The following ATXN2 variants were observed in gnomAD, a reference collection of about 807,000 sequenced individuals.
The protein encoded by ATXN2 is ataxin-2.
ATXN2 carries 37 observed loss-of-function variants against 138.6 expected under a neutral mutation model. The ratio of observed to expected loss-of-function variants is 0.27; its 90% CI spans 0.21 to 0.35. ATXN2 has a LOEUF of 0.35. Among genes scored for constraint, ATXN2 ranks in the 10% least tolerant of loss-of-function variants. The probability of loss-of-function intolerance (pLI) is 1.00; values close to 1 mark genes in which losing one functional copy is unlikely to be tolerated. For synonymous variants in ATXN2, 549 were observed against 543.7 expected, an observed-to-expected ratio of 1.01 and a Z score of -0.13; for missense variants, 1,216 against 1,480.3, an observed-to-expected ratio of 0.82 and a Z score of 2.93.
chr12:111,497,097 A>G (rs1224342687), intron 14 of ATXN2, among the ~76,000 whole-genome samples: 1 of 152,174 alleles, frequency 6.6e-6, no homozygotes. Context: ...ATGCTGATAC[A>G]TTGGAAAACC....
chr12:111,456,361 T>G, intron 22 of ATXN2, 105 bp from the exon 23 acceptor site: 5 of 1,151,758 alleles, frequency 4.3e-6, no homozygotes, highest in Non-Finnish European at 5.1e-6. Context: ...ATGATGAGGG[T>G]CACTGGAAAG....
intron 5 of ATXN2, among the ~76,000 whole-genome samples, chr12:111,532,171 C>G (rs1291618546): frequency 6.6e-6 from 1 of 151,090 alleles, no homozygotes; most frequent in Non-Finnish European, 1.5e-5. Flanking sequence ...GATACCATAT[C>G]AAGATTCTGT....
chr12:111,520,126 T>G (rs773221335), intron 7 of ATXN2, 50 bp from the exon 8 acceptor site: 13 of 1,583,758 alleles, frequency 8.2e-6, no homozygotes, highest in South Asian at 1.1e-5. Flanking sequence ...AAGCCACAGT[T>G]TATGTATCTG....
At chr12:111,566,958 C>CG (rs905507761) in intron 1 of ATXN2, among the ~76,000 whole-genome samples, 1 of 152,140 alleles carries the variant, frequency 6.6e-6, no homozygotes, top group African/African-American at 2.4e-5. Context: ...TTCTAATACT[C>CG]ATGAATGATT....
At chr12:111,540,638 T>C (rs970535272) in intron 5 of ATXN2, among the ~76,000 whole-genome samples, 3 of 150,182 alleles carry the variant, frequency 2.0e-5, no homozygotes, top group African/African-American at 7.3e-5. Flanking sequence ...ATTTTTCTAC[T>C]TTTCCCAGTT....
chr12:111,475,878 T>A (rs778997799), intron 18 of ATXN2, among the ~76,000 whole-genome samples: 1 of 152,188 alleles, frequency 6.6e-6, no homozygotes, highest in Non-Finnish European at 1.5e-5. Context: ...ACTTGTTATA[T>A]GATAAAATGG....
At chr12:111,576,401 C>T (rs917223860) in intron 1 of ATXN2, among the ~76,000 whole-genome samples, 5 of 152,020 alleles carry the variant, frequency 3.3e-5, no homozygotes, top group African/African-American at 9.7e-5. Flanking sequence ...CGCCACTGCA[C>T]GCCACTGTAC....
intron 14 of ATXN2, among the ~76,000 whole-genome samples, chr12:111,493,926 T>C (rs1878224694): frequency 6.7e-6 from 1 of 150,094 alleles, no homozygotes; most frequent in Non-Finnish European, 1.5e-5. Context: ...AGGCCAGGGT[T>C]TTGTTTTGTT....
At chr12:111,463,463 G>C (rs1875747699) in intron 21 of ATXN2, among the ~76,000 whole-genome samples, 1 of 152,018 alleles carries the variant, frequency 6.6e-6, no homozygotes, top group Admixed American at 6.6e-5. Flanking sequence ...CTTTGGTAGA[G>C]ATAGGGTTTC....
chr12:111,506,173 T>G (rs1166566470), intron 14 of ATXN2, among the ~76,000 whole-genome samples: 1 of 152,130 alleles, frequency 6.6e-6, no homozygotes, highest in Non-Finnish European at 1.5e-5. Flanking sequence ...GAAAGTAGAT[T>G]AACGGTTGCT....
chr12:111,483,545 C>T (rs546832214), intron 18 of ATXN2, among the ~76,000 whole-genome samples: 3 of 145,114 alleles, frequency 2.1e-5, no homozygotes, highest in South Asian at 2.2e-4. Flanking sequence ...TTAGTAGAGA[C>T]GGGTTTTCAC....
chr12:111,589,906 T>C (rs1395446845), intron 1 of ATXN2, among the ~76,000 whole-genome samples: 2 of 151,466 alleles, frequency 1.3e-5, no homozygotes, highest in African/African-American at 4.8e-5. Context: ...GTGACAGAGC[T>C]AGAACCTGTC....
At chr12:111,485,445 C>A in intron 17 of ATXN2, 114 bp from the exon 18 acceptor site, 2 of 1,086,466 alleles carry the variant, frequency 1.8e-6, no homozygotes, top group Non-Finnish European at 1.3e-6. Flanking sequence ...TTTCCTGATT[C>A]TCCATTAGTC....
intron 5 of ATXN2, among the ~76,000 whole-genome samples, chr12:111,551,812 GCATTAA>G (rs1486731773): frequency 6.6e-6 from 1 of 151,876 alleles, no homozygotes; most frequent in Non-Finnish European, 1.5e-5. Flanking sequence ...CAACAAAAAT[GCATTAA>G]CATTCTCATT....
intron 14 of ATXN2, among the ~76,000 whole-genome samples, chr12:111,502,182 G>C (rs774797626): frequency 1.3e-5 from 2 of 152,028 alleles, no homozygotes; most frequent in Non-Finnish European, 1.5e-5. Flanking sequence ...ATGAGCCACT[G>C]TACCTGTCCA....
At position 111,598,535 on chromosome 12, in the gene ATXN2, C is replaced by G; in HGVS notation, c.251+249G>C. On this transcript the variant is annotated intron_variant, in intron 1 of 24. Coordinates refer to ENST00000673436, the MANE Select transcript of ATXN2 (RefSeq NM_001372574.1). The surrounding 1 kb of genome is among the most constrained non-coding windows in gnomAD (Gnocchi z 4.5). The stretch of plus-strand genomic sequence containing the variant: ...GGGGAGGGGAGGCCGCCCGCTCCCT[C>G]CATCTTGACCGCCGGGGGAGGGGGC... 1 of 983,714 alleles carries G rather than the reference C, an allele frequency of 1.0e-6. No individual in the cohort carries two copies. The highest frequency in any genetic ancestry group is 1.2e-6 in the Non-Finnish European group (1 of 829,394). 60.9% of individuals were successfully genotyped at this position (983,714 alleles called of 1,614,324 possible).
chr12:111,576,765 C>T (rs1472422945), intron 1 of ATXN2, among the ~76,000 whole-genome samples: 2 of 151,548 alleles, frequency 1.3e-5, no homozygotes, highest in Non-Finnish European at 2.9e-5. Context: ...CGAGACCATC[C>T]CAGATAACAC....
At chr12:111,569,615 C>G (rs147718924) in intron 1 of ATXN2, among the ~76,000 whole-genome samples, 8 of 152,156 alleles carry the variant, frequency 5.3e-5, no homozygotes, top group Non-Finnish European at 1.2e-4. Context: ...TACTTGGGAG[C>G]TGAGGTGGGA....
chr12:111,514,677 G>A lies in ATXN2; in HGVS notation c.1376-1138C>T, dbSNP rs533709672. ...GTAGCTGGGTATTTTTAGTAGAGAC[G>A]AGGTTTCACCATGTTGGCCAGGCTG... On this transcript the variant is annotated intron_variant, in intron 10 of 24. Transcript: ENST00000673436. 5.3e-5 allele frequency among the ~76,000 whole-genome samples: 8 copies of A among 151,874 alleles called. No individual in the cohort carries two copies. In the South Asian group the frequency reaches 1.0e-3, roughly 20 times the overall value.
Sources: allele counts gnomAD v4.1 joint callset (sites outside exome capture counted in the v4.1 genomes callset), GRCh38; gene constraint gnomAD v4.1.1; non-coding constraint Gnocchi (gnomAD v3.1); transcripts MANE v1.5; gene names NCBI Gene and HGNC (gene_info 2026-07-23, HGNC 2026-07-21).